Variants in CERK observed in about 807,000 individuals in gnomAD.
CERK encodes acylsphingosine kinase.
CERK carries 39 observed loss-of-function variants against 63.4 expected under a neutral mutation model. The observed-to-expected ratio is 0.61, with a 90% CI of 0.48 to 0.80. The LOEUF is 0.80. Ranked by LOEUF, CERK falls within the 30% of genes least tolerant of loss-of-function variation. The pLI is 0.00. For missense variants in CERK, 670 were observed against 714.1 expected (o/e 0.94, Z 0.70); for synonymous variants, 302 against 280.0 (o/e 1.08, Z -0.78).
At chr22:46,721,055 G>T in intron 1 of CERK, 40 bp from the exon 2 acceptor site, 1 of 1,289,916 alleles carries the variant, frequency 7.8e-7, no homozygotes, top group Non-Finnish European at 1.1e-6. Context: ...GAATTCGTCA[G>T]AATCCACACA....
In CERK at chr22:46,695,264, A is replaced by C; in HGVS notation, c.995T>G (p.Leu332Arg). ...HHCYEGTVSF[L>R]PAQHTVGSPR... ...AGATCCCACCGTGTGTTGTGCAGGG[A>C]GGAAGGACACTGTCCCTTCATAGCA... is the stretch of plus-strand genomic sequence containing the variant. Residue 332 changes from leucine to arginine, a missense_variant, in exon 9 of 13, where the codon CTC becomes CGC. Leu to Arg is a moderately radical substitution (Grantham distance 102). Transcript: ENST00000216264. 6.2e-7 allele frequency: 1 copy of C among 1,612,890 alleles called. No individual in the cohort carries two copies. Among genetic ancestry groups the C allele is most frequent in the East Asian group, 2.2e-5 (1 of 44,878 alleles).
At chr22:46,687,305 T>G in intron 12 of CERK, 99 bp from the exon 13 acceptor site, 1 of 462,624 alleles carries the variant, frequency 2.2e-6, no homozygotes. Context: ...ACCCCACGTG[T>G]CCCTCACTCA....
At chr22:46,691,464 C>T in intron 11 of CERK, 108 bp downstream of exon 11, 1 of 954,870 alleles carries the variant, frequency 1.0e-6, no homozygotes, top group Non-Finnish European at 1.5e-6. Context: ...AAAGTTTGCC[C>T]TTCCTTCCCT....
rs1047434885 is a variant in CERK, at chr22:46,697,939, C to T, written c.943+1374G>A. ...GCCTTCATTTCTGGTTCATTCTAAA[C>T]TCTGTGGTCGGGTAACAGGTCACCG... On this transcript the variant is annotated intron_variant, in intron 8 of 12. Coordinates refer to ENST00000216264, the MANE Select transcript of CERK (RefSeq NM_022766.6). Among the ~76,000 whole-genome samples the T allele has an allele frequency of 1.3e-4, 20 of 152,354 alleles. 1 individual carries two copies. In the East Asian group the frequency reaches 3.9e-3, roughly 29 times the overall value.
At chr22:46,691,366 T>C (rs116103491) in intron 11 of CERK, among the ~76,000 whole-genome samples, 206 of 152,210 alleles carry the variant, frequency 1.4e-3, no homozygotes, top group African/African-American at 4.7e-3. Context: ...AGCCACCGCA[T>C]CTGGCCTCAA....
chr22:46,733,250 A>G (rs529726480), intron 1 of CERK, among the ~76,000 whole-genome samples: 2 of 147,944 alleles, frequency 1.4e-5, no homozygotes, highest in Admixed American at 6.8e-5. Flanking sequence ...TCTCTATCCT[A>G]TTTGTTGCAA....
intron 1 of CERK, among the ~76,000 whole-genome samples, chr22:46,729,715 C>G (rs571072889): frequency 1.3e-5 from 2 of 152,194 alleles, no homozygotes; most frequent in South Asian, 2.1e-4. Context: ...CTGAGATGAC[C>G]CAGATGTTGA....
chr22:46,722,242 A>C (rs891487383), intron 1 of CERK, among the ~76,000 whole-genome samples: 1 of 152,224 alleles, frequency 6.6e-6, no homozygotes, highest in African/African-American at 2.4e-5. Flanking sequence ...GTAATTTTGC[A>C]TCATTTTTAA....
chr22:46,728,633 C>G (rs2082931396), intron 1 of CERK, among the ~76,000 whole-genome samples: 1 of 152,234 alleles, frequency 6.6e-6, no homozygotes. Flanking sequence ...CCAAGCCCGA[C>G]CGCCTGTCTC....
At chr22:46,689,907 C>G (rs1430426587) in intron 12 of CERK, 85 bp downstream of exon 12, 17 of 960,400 alleles carry the variant, frequency 1.8e-5, no homozygotes, top group Non-Finnish European at 2.4e-5. Context: ...CCCAGGGAAC[C>G]CCCCACCCTG....
At chr22:46,727,229 A>C (rs2082922970) in intron 1 of CERK, among the ~76,000 whole-genome samples, 1 of 152,116 alleles carries the variant, frequency 6.6e-6, no homozygotes, top group South Asian at 2.1e-4. Flanking sequence ...TTCATGCCAT[A>C]AAATGTGACC....
intron 5 of CERK, among the ~76,000 whole-genome samples, chr22:46,709,304 G>T (rs1341778681): frequency 1.3e-5 from 2 of 152,208 alleles, no homozygotes; most frequent in African/African-American, 4.8e-5. Context: ...CCCTTGGCTA[G>T]GGTGGGTGCA....
intron 1 of CERK, among the ~76,000 whole-genome samples, chr22:46,730,025 C>G (rs1427810258): frequency 2.0e-5 from 3 of 149,318 alleles, no homozygotes; most frequent in African/African-American, 7.3e-5. Context: ...GGTGACAGAT[C>G]GAGACTCCAT....
chr22:46,734,257 T>C (rs1375607847), intron 1 of CERK, among the ~76,000 whole-genome samples: 3 of 151,502 alleles, frequency 2.0e-5, no homozygotes, highest in African/African-American at 7.3e-5. Flanking sequence ...ACCCACACAA[T>C]GCAATATGAC....
intron 1 of CERK, among the ~76,000 whole-genome samples, chr22:46,723,090 C>G (rs1443133214): frequency 6.6e-6 from 1 of 152,164 alleles, no homozygotes; most frequent in Non-Finnish European, 1.5e-5. Context: ...TGAACAGGAC[C>G]AAGGACGCCC....
chr22:46,687,872 C>T (rs79912434), intron 12 of CERK, among the ~76,000 whole-genome samples: 2,012 of 152,234 alleles, frequency 0.013, 44 homozygotes, highest in African/African-American at 0.046. Context: ...CCTCCTCAGA[C>T]GTATTTCAGT....
chr22:46,721,029 A>G lies in CERK; in HGVS notation c.143-14T>C, dbSNP rs1431587280. The stretch of plus-strand genomic sequence containing the variant: ...CAGAGCAGGCATCTGTAAAAACACC[A>G]CGTCCTTCTGTCAAAGAATTCGTCA... On this transcript the variant is annotated splice_polypyrimidine_tract_variant and intron_variant, in intron 1 of 12. Coordinates refer to ENST00000216264, the MANE Select transcript of CERK (RefSeq NM_022766.6). 6.5e-7 allele frequency: 1 copy of G among 1,533,556 alleles called. No homozygotes were observed. Among genetic ancestry groups the G allele is most frequent in the East Asian group, 2.2e-5 (1 of 44,490 alleles). The allele number at this position is 1,533,556 out of a possible 1,614,324, so 95.0% of individuals were successfully genotyped here. A position where few individuals can be genotyped will look rare whatever the true frequency, so the allele number is the denominator to read the frequency against.
intron 12 of CERK, among the ~76,000 whole-genome samples, 190 bp downstream of exon 12, chr22:46,689,802 T>C (rs1203200197): frequency 6.6e-6 from 1 of 152,196 alleles, no homozygotes; most frequent in Non-Finnish European, 1.5e-5. Flanking sequence ...CCTGGCATCT[T>C]TCCAGAATGT....
chr22:46,725,723 T>C (rs2082915067), intron 1 of CERK, among the ~76,000 whole-genome samples: 1 of 152,208 alleles, frequency 6.6e-6, no homozygotes, highest in Non-Finnish European at 1.5e-5. Context: ...GGCCATCACA[T>C]TCCAGAAAAA....
Sources: gnomAD v4.1 joint callset for allele counts (sites outside exome capture counted in the v4.1 genomes callset) on GRCh38, gnomAD v4.1.1 for gene constraint, MANE v1.5 for transcripts, NCBI Gene and HGNC (gene_info 2026-07-23, HGNC 2026-07-21) for gene names.